Variants in KIAA0513 observed in about 807,000 individuals in gnomAD.
KIAA0513 encodes the protein uncharacterized protein KIAA0513.
A neutral mutation model predicts 56.5 loss-of-function variants in KIAA0513; 39 were observed. The ratio of observed to expected loss-of-function variants is 0.69; its 90% CI spans 0.53 to 0.90. The LOEUF is 0.90. Among genes scored for constraint, KIAA0513 ranks in the 40% least tolerant of loss-of-function variants. KIAA0513 has a pLI of 0.00. For synonymous variants in KIAA0513, 268 were observed against 215.6 expected (o/e 1.24, Z -2.13); for missense variants, 591 against 535.2 (o/e 1.10, Z -1.03).
At chr16:85,033,725 TG>T (rs2072998002) in intron 1 of KIAA0513, among the ~76,000 whole-genome samples, 1 of 152,206 alleles carries the variant, frequency 6.6e-6, no homozygotes, top group African/African-American at 2.4e-5. Context: ...ATCTGGTGAC[TG>T]GCACTGGCAC....
rs753082042 is a variant in KIAA0513, at chr16:85,071,852, G to C, written c.399G>C (p.Arg133=). ...EYCSSENGKG[R]EWFARYVSAQ... ...GCAGCAGTGAAAATGGAAAAGGCCG[G>C]GAGTGGTTTGCTCGATACGTGAGTG... The change falls in exon 3 of 13, where the codon CGG becomes CGC. Residue 133 remains arginine, a synonymous_variant. Coordinates refer to ENST00000683363, the MANE Select transcript of KIAA0513 (RefSeq NM_001388359.1). 1 of 1,613,188 alleles carries C rather than the reference G, an allele frequency of 6.2e-7. No homozygotes were observed. Among genetic ancestry groups the C allele is most frequent in the Admixed American group, 1.7e-5 (1 of 59,934 alleles).
intron 1 of KIAA0513, among the ~76,000 whole-genome samples, chr16:85,039,970 G>C (rs980320849): frequency 6.6e-6 from 1 of 151,656 alleles, no homozygotes; most frequent in Non-Finnish European, 1.5e-5. Context: ...GAGTAGCTGG[G>C]ATTACAGGCA....
In KIAA0513 at chr16:85,078,414, G is replaced by C; in HGVS notation, c.783-1G>C. On this transcript the variant is annotated splice_acceptor_variant, in intron 6 of 12. Coordinates refer to ENST00000683363, the MANE Select transcript of KIAA0513 (RefSeq NM_001388359.1). LOFTEE classifies it high-confidence loss of function. The stretch of plus-strand genomic sequence containing the variant: ...TCATCATTGTGCCTTCTCTCCCTCA[G>C]GGAAGACGAGAACAAACCCCAGGAG... 1 of 1,613,988 alleles carries C rather than the reference G, an allele frequency of 6.2e-7. No homozygotes were observed. The highest frequency in any genetic ancestry group is 8.5e-7 in the Non-Finnish European group (1 of 1,179,996).
chr16:85,087,251 C>A (rs2073820288), intron 12 of KIAA0513, 85 bp downstream of exon 12: 1 of 1,070,026 alleles, frequency 9.3e-7, no homozygotes, highest in Non-Finnish European at 1.4e-6. Context: ...TTCTGCACTG[C>A]CAGAAGGCAT....
chr16:85,059,653 T>C (rs72658737), intron 1 of KIAA0513, among the ~76,000 whole-genome samples: 1 of 152,154 alleles, frequency 6.6e-6, no homozygotes, highest in Admixed American at 6.5e-5. Flanking sequence ...GAAGTTGTTC[T>C]GAATGAAATG....
At chr16:85,064,775 T>C (rs1439557274) in intron 1 of KIAA0513, among the ~76,000 whole-genome samples, 2 of 152,154 alleles carry the variant, frequency 1.3e-5, no homozygotes, top group African/African-American at 4.8e-5. Context: ...AACCTCCGCC[T>C]CCTGGGTTCA....
intron 1 of KIAA0513, among the ~76,000 whole-genome samples, chr16:85,039,835 T>A (rs2073082022): frequency 6.7e-6 from 1 of 149,178 alleles, no homozygotes; most frequent in South Asian, 2.1e-4. Flanking sequence ...AGAAAGGTTT[T>A]CTTTTCTTTT....
intron 4 of KIAA0513, among the ~76,000 whole-genome samples, chr16:85,074,796 T>C (rs2073633041): frequency 6.6e-6 from 1 of 151,056 alleles, no homozygotes; most frequent in African/African-American, 2.4e-5. Flanking sequence ...GATACTTCAA[T>C]TTCCGACATT....
chr16:85,038,029 C>T (rs927670340), intron 1 of KIAA0513, among the ~76,000 whole-genome samples: 4 of 152,176 alleles, frequency 2.6e-5, no homozygotes, highest in African/African-American at 4.8e-5. Flanking sequence ...AGGTGTAAAC[C>T]CTCTAGTTGC....
At position 85,087,107 on chromosome 16, in the gene KIAA0513, A is replaced by T. The variant is rs746464892; in HGVS notation, c.1127A>T (p.Asn376Ile). The change falls in exon 12 of 13, where the codon AAC becomes ATC. Residue 376 changes from asparagine to isoleucine, a missense_variant. Coordinates refer to ENST00000683363, the MANE Select transcript of KIAA0513 (RefSeq NM_001388359.1). The part of the protein sequence containing the change: ...FTHNMLAFGL[N>I]KKLCNDFLKK... ...CACAACATGCTGGCCTTTGGACTGA[A>T]CAAGAAGCTGTGCAATGACTTCCTG... The T allele has an allele frequency of 1.2e-6, 2 of 1,614,176 alleles. No individual in the cohort carries two copies. Among genetic ancestry groups the T allele is most frequent in the Admixed American group, 3.3e-5 (2 of 60,030 alleles).
chr16:85,049,997 G>T (rs1440520445), intron 1 of KIAA0513, among the ~76,000 whole-genome samples: 1 of 152,208 alleles, frequency 6.6e-6, no homozygotes, highest in African/African-American at 2.4e-5. Flanking sequence ...CCCGGAGTCA[G>T]CCGCTGTGTC....
At chr16:85,046,042 G>A (rs1403138988) in intron 1 of KIAA0513, among the ~76,000 whole-genome samples, 4 of 152,250 alleles carry the variant, frequency 2.6e-5, no homozygotes, top group Admixed American at 6.5e-5. Context: ...CCCTGGAAAC[G>A]AGCCAGGATG....
At chr16:85,066,342 G>A (rs1332222610) in intron 1 of KIAA0513, among the ~76,000 whole-genome samples, 1 of 152,170 alleles carries the variant, frequency 6.6e-6, no homozygotes, top group African/African-American at 2.4e-5. Flanking sequence ...CTGGGAGAGG[G>A]GACAGGTCCA....
At chr16:85,037,959 C>G (rs2073056601) in intron 1 of KIAA0513, among the ~76,000 whole-genome samples, 1 of 152,230 alleles carries the variant, frequency 6.6e-6, no homozygotes, top group African/African-American at 2.4e-5. Flanking sequence ...AGTCCACTCT[C>G]CACACAGTGG....
chr16:85,050,282 C>T (rs1353947904), intron 1 of KIAA0513, among the ~76,000 whole-genome samples: 1 of 151,962 alleles, frequency 6.6e-6, no homozygotes, highest in African/African-American at 2.4e-5. Context: ...TCTGAAAAAA[C>T]AAGAAATTTC....
intron 1 of KIAA0513, among the ~76,000 whole-genome samples, chr16:85,051,942 T>C (rs1237147611): frequency 1.3e-5 from 2 of 151,216 alleles, no homozygotes; most frequent in Non-Finnish European, 2.9e-5. Flanking sequence ...GCATAAGCCA[T>C]TGTGCCTGGC....
chr16:85,082,658 G>A, intron 10 of KIAA0513, 65 bp downstream of exon 10: 7 of 1,515,610 alleles, frequency 4.6e-6, no homozygotes, highest in Non-Finnish European at 6.4e-6. Context: ...CCACTGCAGG[G>A]TGGGGGCTGT....
In KIAA0513 at chr16:85,081,073, C is replaced by G. The variant is rs968688331; in HGVS notation, c.903-242C>G. Among the ~76,000 whole-genome samples, 2 of 152,246 alleles carry G rather than the reference C, an allele frequency of 1.3e-5. No homozygotes were observed. Among genetic ancestry groups the G allele is most frequent in the African/African-American group, 4.8e-5 (2 of 41,464 alleles). ...TGCAGCGCAGCCCGGGTTATCATAGCTTTCCCTCCCACTTGCGCCATCTCT... is the reference window on the plus strand; with the variant it reads ...TGCAGCGCAGCCCGGGTTATCATAGGTTTCCCTCCCACTTGCGCCATCTCT... On this transcript the variant is annotated intron_variant, in intron 8 of 12. Coordinates refer to ENST00000683363, the MANE Select transcript of KIAA0513 (RefSeq NM_001388359.1). The surrounding 1 kb of genome is among the most constrained non-coding windows in gnomAD (Gnocchi z 4.4).
In KIAA0513 at chr16:85,078,798, G is replaced by A. The variant is rs1597640453; in HGVS notation, c.824-127G>A. On this transcript the variant is annotated intron_variant, in intron 7 of 12. Coordinates refer to ENST00000683363, the MANE Select transcript of KIAA0513 (RefSeq NM_001388359.1). ...CTATGGCTAGCAGAAAAGCCACGGT[G>A]GGGTTTGCATCACGTGTTTCAGTGA... 3.0e-6 allele frequency: 3 copies of A among 1,002,438 alleles called. No homozygotes were observed. In the East Asian group the frequency reaches 7.3e-5, roughly 24 times the overall value. The allele number at this position is 1,002,438 out of a possible 1,614,324, so 62.1% of individuals were successfully genotyped here.
Sources: allele counts gnomAD v4.1 joint callset (sites outside exome capture counted in the v4.1 genomes callset), GRCh38; gene constraint gnomAD v4.1.1; non-coding constraint Gnocchi (gnomAD v3.1); transcripts MANE v1.5; gene names NCBI Gene and HGNC (gene_info 2026-07-23, HGNC 2026-07-21).